The following ALLC variants were observed in gnomAD, a reference collection of about 807,000 sequenced individuals.
ALLC encodes probable inactive allantoicase.
In ALLC, 40 loss-of-function variants were observed where a neutral mutation model predicts 45.0. The observed-to-expected ratio is 0.89, with a 90% CI of 0.69 to 1.16. The LOEUF (loss-of-function observed/expected upper bound fraction) is 1.16, where lower values mean the gene tolerates loss of function less well. Ranked by LOEUF, ALLC falls within the 50% of genes most tolerant of loss-of-function variation. The pLI is 0.00. For missense variants in ALLC, 488 were observed against 493.1 expected (o/e 0.99, Z 0.10); for synonymous variants, 176 against 178.1 (o/e 0.99, Z 0.09).
rs1321247147 is a variant in ALLC, at chr2:3,697,333, T to C, written c.742-15T>C. 1 of 1,608,842 alleles carries C rather than the reference T, an allele frequency of 6.2e-7. No individual in the cohort carries two copies. ...TCCAAGTTCGTTTACCATTTTCTTC[T>C]CTTCTGAATTCCAGAATGATGAGAA... On this transcript the variant is annotated splice_polypyrimidine_tract_variant and intron_variant, in intron 9 of 11. Transcript: ENST00000252505.
At chr2:3,665,529 G>A (rs1350570657) in intron 1 of ALLC, among the ~76,000 whole-genome samples, 2 of 152,066 alleles carry the variant, frequency 1.3e-5, no homozygotes, top group African/African-American at 2.4e-5. Context: ...TGTTCTCATC[G>A]TTCAGCTCCC....
At chr2:3,696,867 G>A (rs1376072683) in intron 9 of ALLC, among the ~76,000 whole-genome samples, 1 of 152,128 alleles carries the variant, frequency 6.6e-6, no homozygotes, top group Non-Finnish European at 1.5e-5. Context: ...CAAAAACTTG[G>A]TCAGAAAAGT....
At chr2:3,663,035 C>T (rs1450806121) in intron 1 of ALLC, among the ~76,000 whole-genome samples, 4 of 152,030 alleles carry the variant, frequency 2.6e-5, no homozygotes, top group Admixed American at 2.0e-4. Flanking sequence ...GTGGTTTTAG[C>T]GGCAGAAATA....
At chr2:3,652,069 GA>G in the ALLC span, among the ~76,000 whole-genome samples, 1 of 152,232 alleles carries the variant, frequency 6.6e-6, no homozygotes, top group East Asian at 1.9e-4. Context: ...AGCACAAAGG[GA>G]ATTTGTTGAA....
At position 3,680,245 on chromosome 2, in the gene ALLC, C is replaced by T. The variant is rs1280984774; in HGVS notation, c.298+251C>T. 6.6e-5 allele frequency among the ~76,000 whole-genome samples: 10 copies of T among 152,274 alleles called. 1 individual carries two copies. The highest frequency in any genetic ancestry group is 6.8e-3 in the Middle Eastern group (2 of 294). On this transcript the variant is annotated intron_variant, in intron 5 of 11. Coordinates refer to ENST00000252505, the MANE Select transcript of ALLC (RefSeq NM_018436.4). This position sits in a 1 kb window ranked among gnomAD's most constrained non-coding sequence, Gnocchi z 4.0. Reference sequence around the variant, plus strand: ...TCATTCCCACGGTCCTTCAGCTTCACGCAGAGGCAGGCCATCATCCCTGGA... The same window carrying T: ...TCATTCCCACGGTCCTTCAGCTTCATGCAGAGGCAGGCCATCATCCCTGGA...
intron 10 of ALLC, 27 bp downstream of exon 10, chr2:3,697,483 C>T: frequency 6.4e-7 from 1 of 1,572,358 alleles, no homozygotes; most frequent in Middle Eastern, 1.7e-4. Context: ...AAAGAAGTAC[C>T]CTATAATTGG....
chr2:3,690,673 AC>A (rs1399565061), intron 7 of ALLC, among the ~76,000 whole-genome samples: 3 of 148,258 alleles, frequency 2.0e-5, no homozygotes, highest in Non-Finnish European at 4.4e-5. Context: ...ACAAAGAAAA[AC>A]AAAAAAAAAC....
chr2:3,659,554 G>C (rs531809170), intron 1 of ALLC, among the ~76,000 whole-genome samples: 2 of 152,354 alleles, frequency 1.3e-5, no homozygotes, highest in African/African-American at 4.8e-5. Flanking sequence ...CTTAGAAGCA[G>C]CTGCCACAGG....
At chr2:3,673,225 GT>G (rs1172254316) in intron 2 of ALLC, among the ~76,000 whole-genome samples, 1 of 152,258 alleles carries the variant, frequency 6.6e-6, no homozygotes, top group African/African-American at 2.4e-5. Context: ...CACGCTGCGC[GT>G]TTGTGAGAAG....
At chr2:3,650,933 T>C in the ALLC span, among the ~76,000 whole-genome samples, 1 of 152,228 alleles carries the variant, frequency 6.6e-6, no homozygotes, top group African/African-American at 2.4e-5. Context: ...TCAGAACCAT[T>C]ACCCTGATTT....
chr2:3,665,672 C>T (rs1666686316), intron 1 of ALLC, among the ~76,000 whole-genome samples: 1 of 152,204 alleles, frequency 6.6e-6, no homozygotes, highest in Admixed American at 6.5e-5. Flanking sequence ...CATAGTATTC[C>T]ATGGTCTATA....
At chr2:3,691,254 CT>C (rs1159806601) in intron 7 of ALLC, among the ~76,000 whole-genome samples, 2,643 of 143,784 alleles carry the variant, frequency 0.018, 58 homozygotes, top group African/African-American at 0.057. Flanking sequence ...TTATCCTTGA[CT>C]TTTTTTTTTT....
the ALLC span, among the ~76,000 whole-genome samples, chr2:3,647,219 C>A: frequency 6.6e-6 from 1 of 152,126 alleles, no homozygotes; most frequent in Non-Finnish European, 1.5e-5. Context: ...ACACATACGT[C>A]TAAGAAGCAA....
intron 1 of ALLC, among the ~76,000 whole-genome samples, chr2:3,669,921 T>C (rs1464056858): frequency 1.3e-5 from 2 of 152,118 alleles, no homozygotes; most frequent in Non-Finnish European, 2.9e-5. Context: ...TGGAAATTCA[T>C]GTCGGGAAGG....
chr2:3,659,744 C>T (rs1041474805), intron 1 of ALLC, among the ~76,000 whole-genome samples: 11 of 152,212 alleles, frequency 7.2e-5, no homozygotes, highest in African/African-American at 1.4e-4. Context: ...GGGCTGAGAA[C>T]GGCCCCTTAT....
intron 3 of ALLC, among the ~76,000 whole-genome samples, chr2:3,676,788 C>G (rs1321394473): frequency 6.6e-6 from 1 of 151,150 alleles, no homozygotes; most frequent in Non-Finnish European, 1.5e-5. Flanking sequence ...GTTTCTCTCT[C>G]TCTCTCTCTT....
upstream of ALLC, among the ~76,000 whole-genome samples, chr2:3,656,788 AGGTCAGGGTGTGGAGGGCAGG>A (rs569700728): frequency 4.2e-5 from 6 of 144,294 alleles, no homozygotes; most frequent in Admixed American, 6.7e-5. Flanking sequence ...TGGAGGGCAG[AGGTCAGGGTGTGGAGGGCAGG>A]GGTCAGGGTG....
chr2:3,667,491 A>G (rs1251556697), intron 1 of ALLC, among the ~76,000 whole-genome samples: 2 of 152,212 alleles, frequency 1.3e-5, no homozygotes, highest in East Asian at 1.9e-4. Flanking sequence ...GTTTGGATAC[A>G]TCGCGGTTGG....
chr2:3,647,074 C>T, the ALLC span, among the ~76,000 whole-genome samples: 1 of 152,124 alleles, frequency 6.6e-6, no homozygotes, highest in Non-Finnish European at 1.5e-5. Flanking sequence ...CACCCCTCAT[C>T]CCCCCATTGC....
Sources: gnomAD v4.1 joint callset for allele counts (sites outside exome capture counted in the v4.1 genomes callset) on GRCh38, gnomAD v4.1.1 for gene constraint, Gnocchi (gnomAD v3.1) non-coding constraint, MANE v1.5 for transcripts, NCBI Gene and HGNC (gene_info 2026-07-23, HGNC 2026-07-21) for gene names.